CPNE4: variants seen among roughly 807,000 people sequenced by gnomAD.
The protein encoded by CPNE4 is copine-4.
Under a neutral mutation model 67.9 loss-of-function variants are expected in CPNE4, and 25 were observed. That is an observed-to-expected ratio of 0.37 (90% CI 0.27 to 0.51). The LOEUF is 0.51. CPNE4 is among the 20% of genes least tolerant of loss of function. CPNE4 has a pLI of 0.93. For synonymous variants in CPNE4, 242 were observed against 244.9 expected (o/e 0.99, Z 0.11); for missense variants, 464 against 690.8 (o/e 0.67, Z 3.68).
At chr3:131,792,728 T>TATATAC (rs1553772333) in intron 2 of CPNE4, among the ~76,000 whole-genome samples, 3 of 93,572 alleles carry the variant, frequency 3.2e-5, no homozygotes, top group African/African-American at 1.0e-4. Context: ...TGTATATATA[T>TATATAC]ACACGTGTGT....
chr3:131,968,707 A>C (rs2072424562), intron 1 of CPNE4, among the ~76,000 whole-genome samples: 1 of 152,220 alleles, frequency 6.6e-6, no homozygotes, highest in African/African-American at 2.4e-5. Flanking sequence ...AGGAAACAAC[A>C]GCTGCTGGAG....
intron 1 of CPNE4, among the ~76,000 whole-genome samples, chr3:132,019,145 CA>C (rs1312858285): frequency 2.2e-5 from 3 of 138,898 alleles, no homozygotes; most frequent in South Asian, 5.0e-4. Context: ...AGTTGTGAAG[CA>C]AACAAAAAAA....
At chr3:131,551,081 C>T (rs1936147637) in intron 13 of CPNE4, among the ~76,000 whole-genome samples, 1 of 152,014 alleles carries the variant, frequency 6.6e-6, no homozygotes, top group Non-Finnish European at 1.5e-5. Flanking sequence ...TGAAATAGCA[C>T]ATTAGTCCTG....
Position 132,034,913 on chromosome 3 carries a change from G to C in CPNE4, c.-348C>G. The C allele has an allele frequency of 5.1e-6, 5 of 985,498 alleles. No homozygotes were observed. Among genetic ancestry groups the C allele is most frequent in the Non-Finnish European group, 6.0e-6 (5 of 830,000 alleles). The allele number at this position is 985,498 out of a possible 1,614,324, so 61.0% of individuals were successfully genotyped here. On this transcript the variant is annotated 5_prime_UTR_variant, in exon 1 of 16. Coordinates refer to ENST00000429747, the MANE Select transcript of CPNE4 (RefSeq NM_130808.3). ...ACTGAGAAAAGAGGGAGGGAGTGGA[G>C]TGGAGCGAGGGAGGAAGGAAAGGAG... is the stretch of plus-strand genomic sequence containing the variant.
At chr3:131,969,211 T>C (rs1413890069) in intron 1 of CPNE4, among the ~76,000 whole-genome samples, 1 of 150,280 alleles carries the variant, frequency 6.7e-6, no homozygotes, top group Non-Finnish European at 1.5e-5. Flanking sequence ...TGTCAGGGAG[T>C]TGGGGGCAAG....
At chr3:131,586,251 CGGCA>C (rs1938173693) in intron 8 of CPNE4, among the ~76,000 whole-genome samples, 1 of 152,110 alleles carries the variant, frequency 6.6e-6, no homozygotes, top group Admixed American at 6.6e-5. Flanking sequence ...AGAGTAAGAA[CGGCA>C]GGTGTCTTGG....
At chr3:131,950,963 C>T (rs1365332197) in intron 1 of CPNE4, among the ~76,000 whole-genome samples, 1 of 152,108 alleles carries the variant, frequency 6.6e-6, no homozygotes, top group African/African-American at 2.4e-5. Flanking sequence ...TCCTTTGTTC[C>T]TGTTGATGCT....
intron 3 of CPNE4, among the ~76,000 whole-genome samples, chr3:131,705,878 T>C (rs1394170717): frequency 6.6e-6 from 1 of 152,102 alleles, no homozygotes; most frequent in Non-Finnish European, 1.5e-5. Context: ...CTTTGCCTCA[T>C]CTCTTGGGTA....
intron 1 of CPNE4, among the ~76,000 whole-genome samples, chr3:131,952,881 A>C (rs1039994425): frequency 2.6e-5 from 4 of 152,178 alleles, no homozygotes; most frequent in Non-Finnish European, 5.9e-5. Context: ...GAGACTTTTC[A>C]TTTTGTTCTG....
chr3:132,038,693 A>G (rs768992621), upstream of CPNE4, among the ~76,000 whole-genome samples: 1 of 152,194 alleles, frequency 6.6e-6, no homozygotes, highest in Admixed American at 6.5e-5. Context: ...TTTTAACTAC[A>G]TAATATCTTC....
intron 7 of CPNE4, among the ~76,000 whole-genome samples, chr3:131,596,919 G>A (rs1467132383): frequency 6.6e-6 from 1 of 152,090 alleles, no homozygotes; most frequent in Non-Finnish European, 1.5e-5. Flanking sequence ...TTCTTGGGAG[G>A]AACTCTGACT....
At chr3:132,014,834 T>A (rs1228751627) in intron 1 of CPNE4, among the ~76,000 whole-genome samples, 4 of 152,322 alleles carry the variant, frequency 2.6e-5, no homozygotes, top group Non-Finnish European at 5.9e-5. Flanking sequence ...TTGTATCATG[T>A]TAGGAGAAAG....
chr3:131,715,384 C>G (rs960748177), intron 3 of CPNE4, among the ~76,000 whole-genome samples: 1 of 152,158 alleles, frequency 6.6e-6, no homozygotes, highest in Non-Finnish European at 1.5e-5. Flanking sequence ...CAGGTCAACT[C>G]CAATTTGACT....
At chr3:131,632,641 T>C (rs1414497022) in intron 7 of CPNE4, among the ~76,000 whole-genome samples, 1 of 152,104 alleles carries the variant, frequency 6.6e-6, no homozygotes, top group African/African-American at 2.4e-5. Context: ...TCCTGTTTTT[T>C]CCCCCAGTAT....
intron 7 of CPNE4, among the ~76,000 whole-genome samples, chr3:131,594,514 C>T (rs1397740596): frequency 2.0e-5 from 3 of 152,092 alleles, no homozygotes; most frequent in South Asian, 4.2e-4. Flanking sequence ...TGAAATTAGA[C>T]CTATACCTTA....
intron 9 of CPNE4, among the ~76,000 whole-genome samples, chr3:131,581,323 T>C (rs966445398): frequency 1.3e-5 from 2 of 152,196 alleles, no homozygotes; most frequent in African/African-American, 2.4e-5. Context: ...GAGATGATCC[T>C]AACCTATCAG....
At chr3:131,841,928 T>A (rs1218296712) in intron 2 of CPNE4, among the ~76,000 whole-genome samples, 1 of 152,194 alleles carries the variant, frequency 6.6e-6, no homozygotes, top group Non-Finnish European at 1.5e-5. Flanking sequence ...GAGTTAGAGA[T>A]GCCTGGAGAG....
At chr3:131,920,130 C>T (rs2070700497) in intron 1 of CPNE4, among the ~76,000 whole-genome samples, 1 of 152,168 alleles carries the variant, frequency 6.6e-6, no homozygotes. Context: ...CCAAAGCCTA[C>T]ATTTCTTAGC....
At chr3:131,838,112 C>T in intron 2 of CPNE4, among the ~76,000 whole-genome samples, 1 of 151,818 alleles carries the variant, frequency 6.6e-6, no homozygotes, top group East Asian at 1.9e-4. Context: ...AGTCTCTGTA[C>T]AATTTTTGCA....
Sources: gnomAD v4.1 joint callset for allele counts (sites outside exome capture counted in the v4.1 genomes callset) on GRCh38, gnomAD v4.1.1 for gene constraint, MANE v1.5 for transcripts, NCBI Gene and HGNC (gene_info 2026-07-23, HGNC 2026-07-21) for gene names.